Variants in DAPK1 observed in about 807,000 individuals in gnomAD.
DAPK1 encodes the protein death-associated protein kinase 1.
A neutral mutation model predicts 144.9 loss-of-function variants in DAPK1; 56 were observed. The observed-to-expected ratio is 0.39, with a 90% CI of 0.31 to 0.48. The LOEUF (loss-of-function observed/expected upper bound fraction) is 0.48, where lower values mean the gene tolerates loss of function less well. DAPK1 is among the 20% of genes least tolerant of loss of function. The pLI, the probability that DAPK1 is intolerant of heterozygous loss-of-function variation, is 0.95. For missense variants in DAPK1, 1,454 were observed against 1,875.4 expected, an observed-to-expected ratio of 0.78 and a Z score of 4.15; for synonymous variants, 690 against 749.0, an observed-to-expected ratio of 0.92 and a Z score of 1.29.
chr9:87,612,935 T>A (rs1828977651), intron 3 of DAPK1, among the ~76,000 whole-genome samples: 1 of 152,210 alleles, frequency 6.6e-6, no homozygotes, highest in Admixed American at 6.5e-5. Context: ...GTAAAAGTGC[T>A]AAGATGGCCA....
chr9:87,698,994 C>T (rs1440908111), intron 23 of DAPK1, among the ~76,000 whole-genome samples, 200 bp downstream of exon 23: 4 of 152,170 alleles, frequency 2.6e-5, no homozygotes, highest in African/African-American at 9.7e-5. Flanking sequence ...TTTCTGATTT[C>T]TTATTTGTTT....
At chr9:87,636,709 G>C (rs1829906888) in intron 3 of DAPK1, among the ~76,000 whole-genome samples, 1 of 152,180 alleles carries the variant, frequency 6.6e-6, no homozygotes, top group South Asian at 2.1e-4. Flanking sequence ...GATGTGGAAG[G>C]TATAATGTTT....
chr9:87,597,680 G>C (rs895501353), intron 2 of DAPK1, among the ~76,000 whole-genome samples: 2 of 152,108 alleles, frequency 1.3e-5, no homozygotes, highest in African/African-American at 2.4e-5. Context: ...GAGGCCTCCT[G>C]CTTTCTCAAG....
At chr9:87,533,710 T>C (rs1825771535) in intron 2 of DAPK1, among the ~76,000 whole-genome samples, 1 of 152,220 alleles carries the variant, frequency 6.6e-6, no homozygotes, top group Admixed American at 6.5e-5. Context: ...TCACCCAGGC[T>C]GGAGTGCAGT....
intron 3 of DAPK1, among the ~76,000 whole-genome samples, chr9:87,628,382 A>G (rs921310952): frequency 6.6e-6 from 1 of 152,188 alleles, no homozygotes; most frequent in African/African-American, 2.4e-5. Context: ...AGAGCATAGA[A>G]GCAAAAAATG....
chr9:87,625,097 TAGC>T (rs1829443804), intron 3 of DAPK1, among the ~76,000 whole-genome samples: 1 of 152,156 alleles, frequency 6.6e-6, no homozygotes, highest in Non-Finnish European at 1.5e-5. Context: ...ATAGAATACA[TAGC>T]AGAGTTGAAC....
intron 17 of DAPK1, chr9:87,657,637 T>C: frequency 3.9e-6 from 1 of 255,500 alleles, no homozygotes; most frequent in Non-Finnish European, 7.7e-6. Flanking sequence ...TATGGGCTTG[T>C]CCTGGTATTT....
In DAPK1 at chr9:87,643,468, G is replaced by A; in HGVS notation, c.1011G>A (p.Leu337=). 6.3e-7 allele frequency: 1 copy of A among 1,594,530 alleles called. No homozygotes were observed. Among genetic ancestry groups the A allele is most frequent in the Non-Finnish European group, 8.6e-7 (1 of 1,167,408 alleles). Reference sequence around the variant, plus strand: ...GTGTTGCCAGAAGCGATGATACTCTGGTAAGCAAACCCGTGAGCCCTGGTG... The same window carrying A: ...GTGTTGCCAGAAGCGATGATACTCTAGTAAGCAAACCCGTGAGCCCTGGTG... ...NMSVARSDDT[L]DEEDSFVMKA... is the part of the protein sequence containing the mutation. The change falls in exon 11 of 26, where the codon CTG becomes CTA. Residue 337 remains leucine, a splice_region_variant and synonymous_variant. Coordinates refer to ENST00000408954, the MANE Select transcript of DAPK1 (RefSeq NM_004938.4).
chr9:87,507,050 C>T (rs558456969), intron 2 of DAPK1: 10 of 152,274 alleles, frequency 6.6e-5, no homozygotes, highest in African/African-American at 2.2e-4. Flanking sequence ...CAAAACAAAA[C>T]AATCATGTGA....
chr9:87,528,181 G>A lies in DAPK1; in HGVS notation c.62+29042G>A, dbSNP rs563711638. Among the ~76,000 whole-genome samples, 171 of 152,086 alleles carry A rather than the reference G, an allele frequency of 1.1e-3. 1 individual carries two copies. Among genetic ancestry groups the A allele is most frequent in the Non-Finnish European group, 1.2e-3 (81 of 67,984 alleles). On this transcript the variant is annotated intron_variant, in intron 2 of 25. Coordinates refer to ENST00000408954, the MANE Select transcript of DAPK1 (RefSeq NM_004938.4). ...AGCACCTTGATGTCTTATCCATTTG[G>A]AAGCTTATTGTTACAGTGCGTTTTC... is the stretch of plus-strand genomic sequence containing the variant.
At chr9:87,636,358 A>T (rs1172854100) in intron 3 of DAPK1, among the ~76,000 whole-genome samples, 8 of 152,038 alleles carry the variant, frequency 5.3e-5, no homozygotes. Context: ...TAGGAGAGTC[A>T]CTCCACCATC....
At chr9:87,619,109 C>T (rs746900747) in intron 3 of DAPK1, among the ~76,000 whole-genome samples, 7 of 152,140 alleles carry the variant, frequency 4.6e-5, no homozygotes, top group Non-Finnish European at 8.8e-5. Flanking sequence ...CCAGATCACA[C>T]CTGTTCCCCT....
intron 2 of DAPK1, among the ~76,000 whole-genome samples, chr9:87,561,317 G>C (rs545641516): frequency 3.7e-4 from 56 of 152,226 alleles, no homozygotes; most frequent in Non-Finnish European, 7.8e-4. Context: ...ACGAGGTCAG[G>C]AGATCGAGAC....
At chr9:87,581,842 A>G (rs747401923) in intron 2 of DAPK1, among the ~76,000 whole-genome samples, 1 of 152,212 alleles carries the variant, frequency 6.6e-6, no homozygotes, top group Non-Finnish European at 1.5e-5. Flanking sequence ...GGAGTAGATC[A>G]TGTGCCCTGA....
At chr9:87,514,525 A>G (rs1226880768) in intron 2 of DAPK1, among the ~76,000 whole-genome samples, 1 of 152,182 alleles carries the variant, frequency 6.6e-6, no homozygotes, top group Non-Finnish European at 1.5e-5. Context: ...TCTCTTCCTT[A>G]AGACTGGAAG....
At chr9:87,505,450 T>G (rs1016446322) in intron 2 of DAPK1, among the ~76,000 whole-genome samples, 2 of 151,540 alleles carry the variant, frequency 1.3e-5, no homozygotes, top group Non-Finnish European at 2.9e-5. Context: ...GGCTAGAGTG[T>G]AGTGGCGTGA....
chr9:87,694,436 C>T (rs1018277064), intron 21 of DAPK1, among the ~76,000 whole-genome samples: 11 of 152,254 alleles, frequency 7.2e-5, no homozygotes, highest in African/African-American at 2.6e-4. Context: ...GTCAGGTCCC[C>T]TGGTGGTGCA....
chr9:87,690,415 G>A (rs895441149), intron 21 of DAPK1, among the ~76,000 whole-genome samples: 1 of 151,926 alleles, frequency 6.6e-6, no homozygotes, highest in Non-Finnish European at 1.5e-5. Context: ...GTTTTTTGGT[G>A]GAGTCTTTAG....
intron 2 of DAPK1, among the ~76,000 whole-genome samples, chr9:87,539,362 A>G (rs765012046): frequency 4.6e-5 from 7 of 151,794 alleles, no homozygotes; most frequent in Non-Finnish European, 1.0e-4. Context: ...ACCCACATTT[A>G]ACCTCGATAT....
Sources: gnomAD v4.1 joint callset for allele counts (sites outside exome capture counted in the v4.1 genomes callset) on GRCh38, gnomAD v4.1.1 for gene constraint, MANE v1.5 for transcripts, NCBI Gene and HGNC (gene_info 2026-07-23, HGNC 2026-07-21) for gene names.